Variants in NDST3 observed in about 807,000 individuals in gnomAD.
The protein encoded by NDST3 is bifunctional heparan sulfate N-deacetylase/N-sulfotransferase 3.
Under a neutral mutation model 96.1 loss-of-function variants are expected in NDST3, and 58 were observed. The ratio of observed to expected loss-of-function variants is 0.60; its 90% CI spans 0.49 to 0.75. The LOEUF (loss-of-function observed/expected upper bound fraction) is 0.75, where lower values mean the gene tolerates loss of function less well. NDST3 is among the 30% of genes least tolerant of loss of function. The pLI is 0.00. For synonymous variants in NDST3, 333 were observed against 359.7 expected, an observed-to-expected ratio of 0.93 and a Z score of 0.84; for missense variants, 788 against 1,034.2, an observed-to-expected ratio of 0.76 and a Z score of 3.27.
At chr4:118,101,177 C>A (rs2125845339) in intron 2 of NDST3, among the ~76,000 whole-genome samples, 1 of 151,780 alleles carries the variant, frequency 6.6e-6, no homozygotes, top group Non-Finnish European at 1.5e-5. Context: ...AACTTCTTTG[C>A]AATTACTTTT....
At chr4:118,154,117 C>T (rs1734584671) in intron 6 of NDST3, among the ~76,000 whole-genome samples, 1 of 152,046 alleles carries the variant, frequency 6.6e-6, no homozygotes, top group Non-Finnish European at 1.5e-5. Flanking sequence ...AAATGCTACA[C>T]TAAAAATAAT....
chr4:118,201,546 G>C (rs1295375813), intron 6 of NDST3, among the ~76,000 whole-genome samples: 1 of 152,136 alleles, frequency 6.6e-6, no homozygotes, highest in African/African-American at 2.4e-5. Flanking sequence ...GTGATGCTGA[G>C]CATTTTTTCA....
At chr4:118,203,490 C>T (rs180762544) in intron 6 of NDST3, among the ~76,000 whole-genome samples, 64 of 152,180 alleles carry the variant, frequency 4.2e-4, no homozygotes, top group Non-Finnish European at 7.2e-4. Context: ...TTTCAGAAGT[C>T]GATAGTGGTC....
At chr4:118,194,222 T>C (rs1206108927) in intron 6 of NDST3, 3 of 732,532 alleles carry the variant, frequency 4.1e-6, no homozygotes, top group African/African-American at 1.7e-5. Flanking sequence ...CTAGTCCTTG[T>C]AGCACCCTTC....
intron 6 of NDST3, among the ~76,000 whole-genome samples, chr4:118,176,178 T>TA (rs796810355): frequency 9.2e-5 from 14 of 151,564 alleles, no homozygotes; most frequent in South Asian, 2.1e-4. Flanking sequence ...ATTTAAGTCT[T>TA]AAAAAAAACC....
At chr4:118,204,927 A>T (rs1376080997) in intron 6 of NDST3, among the ~76,000 whole-genome samples, 1 of 144,392 alleles carries the variant, frequency 6.9e-6, no homozygotes, top group Non-Finnish European at 1.5e-5. Flanking sequence ...GAGTCAACAA[A>T]CCCATGATTT....
At chr4:118,239,945 G>A (rs576625499) in intron 10 of NDST3, among the ~76,000 whole-genome samples, 20 of 152,156 alleles carry the variant, frequency 1.3e-4, no homozygotes, top group Admixed American at 8.5e-4. Flanking sequence ...CTGATTCACC[G>A]CAAAGGTTAC....
chr4:118,085,751 G>A (rs1481522244), intron 2 of NDST3, among the ~76,000 whole-genome samples: 2 of 151,872 alleles, frequency 1.3e-5, no homozygotes, highest in Non-Finnish European at 2.9e-5. Context: ...AATTTTTAGA[G>A]GAAAAAAACA....
At chr4:118,202,181 C>T (rs1738133269) in intron 6 of NDST3, among the ~76,000 whole-genome samples, 1 of 152,100 alleles carries the variant, frequency 6.6e-6, no homozygotes, top group Non-Finnish European at 1.5e-5. Flanking sequence ...GTTTTGGTTA[C>T]TGTAGCCTTA....
At chr4:118,161,730 G>T (rs7439873) in intron 6 of NDST3, among the ~76,000 whole-genome samples, 1 of 152,174 alleles carries the variant, frequency 6.6e-6, no homozygotes, top group African/African-American at 2.4e-5. Flanking sequence ...TCGGAAAAGT[G>T]CAGTATTAGG....
At position 118,232,962 on chromosome 4, in the gene NDST3, G is replaced by A. The variant is rs986968166; in HGVS notation, c.1820-50G>A. The A allele has an allele frequency of 1.9e-6, 3 of 1,553,762 alleles. No homozygotes were observed. In the African/African-American group the frequency reaches 4.1e-5, roughly 21 times the overall value. ...CATGACTTTAAAGTGTTGATCATAG[G>A]AAATTGTGTTTTCATTTAATTAATT... On this transcript the variant is annotated intron_variant, in intron 8 of 13. Transcript: ENST00000296499.
At chr4:118,118,965 AT>A (rs1379848994) in intron 4 of NDST3, among the ~76,000 whole-genome samples, 1 of 152,180 alleles carries the variant, frequency 6.6e-6, no homozygotes, top group Non-Finnish European at 1.5e-5. Flanking sequence ...TGGTGGTTAA[AT>A]TTTTAATGAT....
intron 5 of NDST3, among the ~76,000 whole-genome samples, chr4:118,142,672 T>C (rs1190511880): frequency 6.6e-6 from 1 of 152,136 alleles, no homozygotes; most frequent in Admixed American, 6.5e-5. Flanking sequence ...AGTATACTCA[T>C]TAATGTTCTG....
intron 6 of NDST3, among the ~76,000 whole-genome samples, chr4:118,158,833 T>C (rs1180784222): frequency 1.3e-5 from 2 of 152,118 alleles, no homozygotes; most frequent in Non-Finnish European, 2.9e-5. Flanking sequence ...AATGATGAAA[T>C]AGAAAGTCCC....
At chr4:118,061,600 A>G (rs1725899700) in intron 2 of NDST3, among the ~76,000 whole-genome samples, 1 of 152,170 alleles carries the variant, frequency 6.6e-6, no homozygotes, top group Non-Finnish European at 1.5e-5. Flanking sequence ...GGTTGGTGCA[A>G]AAATAATTGT....
chr4:118,242,791 CTGTAAGGT>C (rs1741088351), intron 12 of NDST3, among the ~76,000 whole-genome samples: 1 of 151,826 alleles, frequency 6.6e-6, no homozygotes, highest in African/African-American at 2.4e-5. Flanking sequence ...GTAACTGACT[CTGTAAGGT>C]CCATGACCAG....
chr4:118,192,616 T>C (rs1036446217), intron 6 of NDST3, among the ~76,000 whole-genome samples: 21 of 152,176 alleles, frequency 1.4e-4, no homozygotes, highest in African/African-American at 4.8e-4. Context: ...TGTTTCTGGG[T>C]TCTCTATTCT....
At chr4:118,088,817 G>A (rs928628748) in intron 2 of NDST3, among the ~76,000 whole-genome samples, 7 of 151,966 alleles carry the variant, frequency 4.6e-5, no homozygotes, top group African/African-American at 1.4e-4. Flanking sequence ...TTATGCCTTG[G>A]TTGAGAAGTT....
chr4:118,122,622 C>T (rs1378356026), intron 4 of NDST3, among the ~76,000 whole-genome samples: 1 of 152,168 alleles, frequency 6.6e-6, no homozygotes, highest in African/African-American at 2.4e-5. Flanking sequence ...TCCCCAATTT[C>T]CCGTTTTTTT....
Sources: gnomAD v4.1 joint callset for allele counts (sites outside exome capture counted in the v4.1 genomes callset) on GRCh38, gnomAD v4.1.1 for gene constraint, MANE v1.5 for transcripts, NCBI Gene and HGNC (gene_info 2026-07-23, HGNC 2026-07-21) for gene names.